Variants in AGRN observed in about 807,000 individuals in gnomAD.
The protein encoded by AGRN is agrin.
A neutral mutation model predicts 211.0 loss-of-function variants in AGRN; 106 were observed. The ratio of observed to expected loss-of-function variants is 0.50; its 90% confidence interval spans 0.43 to 0.59. The LOEUF (loss-of-function observed/expected upper bound fraction) is 0.59. AGRN is among the 20% of genes least tolerant of loss of function. AGRN has a pLI of 0.00. For missense variants in AGRN, 3,040 were observed against 2,982.6 expected (o/e 1.02, Z -0.45); for synonymous variants, 1,525 against 1,332.5 (o/e 1.14, Z -3.15).
Position 1,020,297 on chromosome 1 carries a change from A to G in AGRN, c.125A>G (p.Glu42Gly). 1.4e-6 allele frequency: 2 copies of G among 1,476,170 alleles called. No homozygotes were observed. Among genetic ancestry groups the G allele is most frequent in the South Asian group, 1.3e-5 (1 of 77,614 alleles). The allele number at this position is 1,476,170 out of a possible 1,614,324, so 91.4% of individuals were successfully genotyped here. The stretch of plus-strand genomic sequence containing the variant: ...CGCGCGCTGGAGCGGCGCGAGGAGG[A>G]GGCGAACGTGGTGCTCACCGGGACG... ...PERALERREE[E>G]ANVVLTGTVE... is the part of the protein sequence containing the mutation. The change falls in exon 1 of 36, where the codon GAG becomes GGG. Residue 42 changes from glutamate (E) to glycine (G), a missense_variant. Transcript: ENST00000379370.
At position 1,051,306 on chromosome 1, in the gene AGRN, C is replaced by T. The variant is rs960113611; in HGVS notation, c.5307C>T (p.Pro1769=). ...LKEPLYVGGA[P]DFSKLARAAA... ...AGCCGCTCTACGTAGGGGGCGCTCC[C>T]GACTTCAGCAAGCTGGCCCGTGCTG... The change falls in exon 31 of 36, where the codon CCC becomes CCT. Residue 1769 remains proline (P), a synonymous_variant. Transcript: ENST00000379370. 1.5e-5 allele frequency: 24 copies of T among 1,572,050 alleles called. No homozygotes were observed. The East Asian group carries it at 4.4e-4, about 29-fold the overall frequency.
intron 3 of AGRN, among the ~76,000 whole-genome samples, chr1:1,037,603 C>T (rs1553174014): frequency 0.027 from 3,933 of 144,068 alleles, 201 homozygotes; most frequent in East Asian, 0.19. Flanking sequence ...GCCGAGTGGC[C>T]GGGGAGGGGC....
chr1:1,044,653 A>G (rs932127226), intron 12 of AGRN, among the ~76,000 whole-genome samples: 1 of 152,172 alleles, frequency 6.6e-6, no homozygotes, highest in Non-Finnish European at 1.5e-5. Context: ...GCACCAGGCC[A>G]GGCCTCAGTG....
chr1:1,053,680 T>C (rs1570258631), intron 33 of AGRN, 73 bp from the exon 34 acceptor site: 1 of 1,515,912 alleles, frequency 6.6e-7, no homozygotes, highest in Middle Eastern at 1.9e-4. Context: ...GCTGGGGCCC[T>C]TGTCCTCCCG....
rs142557635 is a variant in AGRN, at chr1:1,043,808, C to G, written c.1799-15C>G. ...CCTGGGCCTGCCGACCCCTGCCTGG[C>G]TCTGTCTCCTGCAGAGACCTGTGGA... On this transcript the variant is annotated splice_polypyrimidine_tract_variant and intron_variant, in intron 9 of 35. Coordinates refer to ENST00000379370, the MANE Select transcript of AGRN (RefSeq NM_198576.4). The G allele has an allele frequency of 9.9e-6, 16 of 1,609,936 alleles. No individual in the cohort carries two copies. Among genetic ancestry groups the G allele is most frequent in the Non-Finnish European group, 1.4e-5 (16 of 1,179,844 alleles).
At chr1:1,024,943 C>T (rs1277125902) in intron 2 of AGRN, among the ~76,000 whole-genome samples, 2 of 152,304 alleles carry the variant, frequency 1.3e-5, no homozygotes, top group Non-Finnish European at 2.9e-5. Flanking sequence ...CTCCGCAGTG[C>T]CAGCTGCCCA....
At chr1:1,047,925 C>T (rs773626822) in intron 22 of AGRN, 30 bp downstream of exon 22, 17 of 1,601,892 alleles carry the variant, frequency 1.1e-5, no homozygotes, top group Middle Eastern at 1.6e-4. Context: ...CCACAGCTTA[C>T]CTGCCCCCTC....
Position 1,041,559 on chromosome 1 carries a change from G to C in AGRN, c.1034G>C (p.Arg345Pro). ...PRTRRPEMLL[R>P]PESCPARQAP... ...ACGCGGCGCCCTGAGATGCTCCTAC[G>C]GCCCGAGAGCTGCCCTGCCCGGCAG... Residue 345 changes from arginine to proline, a missense_variant, in exon 6 of 36, where the codon CGG (arginine) becomes CCG (proline). Arg to Pro is a moderately radical substitution (Grantham distance 103, BLOSUM62 -2). Transcript: ENST00000379370. The C allele has an allele frequency of 1.2e-6, 2 of 1,609,058 alleles. No individual in the cohort carries two copies. Among genetic ancestry groups the C allele is most frequent in the African/African-American group, 1.3e-5 (1 of 75,004 alleles).
chr1:1,041,364 G>A lies in AGRN; in HGVS notation c.919G>A (p.Glu307Lys), dbSNP rs757723215. The A allele has an allele frequency of 5.9e-6, 9 of 1,538,362 alleles. No homozygotes were observed. Among genetic ancestry groups the A allele is most frequent in the South Asian group, 2.4e-5 (2 of 84,240 alleles). Reference protein sequence around the residue: ...QLLRRACARQENVFKKFDGPC... With the variant: ...QLLRRACARQKNVFKKFDGPC... ...CCTGCGCCGCGCCTGCGCCCGCCAG[G>A]AGAATGTCTTCAAGAAGTTCGACGG... Residue 307 changes from glutamate to lysine, a missense_variant, in exon 5 of 36, where the codon GAG becomes AAG. By Grantham distance (56) the Glu-to-Lys change is moderately conservative (BLOSUM62 1). Transcript: ENST00000379370.
At position 1,044,549 on chromosome 1, in the gene AGRN, A is replaced by G; in HGVS notation, c.2254+110A>G. 1.7e-6 allele frequency: 2 copies of G among 1,165,574 alleles called. 1 individual carries two copies. Among genetic ancestry groups the G allele is most frequent in the Non-Finnish European group, 2.4e-6 (2 of 817,116 alleles). The allele number at this position is 1,165,574 out of a possible 1,614,324, so 72.2% of individuals were successfully genotyped here. ...GCGTTGGGCCCCTGTGGACGTGTGT[A>G]TTGTGTTGTAAGTGAGCATCGTCCA... is the stretch of plus-strand genomic sequence containing the variant. On this transcript the variant is annotated intron_variant, in intron 12 of 35. Transcript: ENST00000379370.
rs1288885360 is a variant in AGRN at position 1,020,508 on chromosome 1, G to A, written c.201+135G>A. On this transcript the variant is annotated intron_variant, in intron 1 of 35. Coordinates refer to ENST00000379370, the MANE Select transcript of AGRN (RefSeq NM_198576.4). ...CTCCCTTGGCGACCGCCAAGCCCCG[G>A]GAGGGGGGGTCGCCGGGTCCCGGGA... is the stretch of plus-strand genomic sequence containing the variant. 4.8e-6 allele frequency: 4 copies of A among 838,796 alleles called. No homozygotes were observed. In the East Asian group the frequency reaches 1.4e-4, roughly 30 times the overall value. 52.0% of individuals were successfully genotyped at this position (838,796 alleles called of 1,614,324 possible).
At chr1:1,051,210 C>T (rs772699724) in intron 30 of AGRN, 43 bp from the exon 31 acceptor site, 8 of 1,560,386 alleles carry the variant, frequency 5.1e-6, no homozygotes, top group East Asian at 2.4e-5. Flanking sequence ...GGGTCTGCAC[C>T]GTGGGTGGGC....
At chr1:1,050,100 G>A in intron 27 of AGRN, 63 bp downstream of exon 27, 2 of 1,569,154 alleles carry the variant, frequency 1.3e-6, no homozygotes, top group Non-Finnish European at 1.7e-6. Context: ...GGCGGGTACA[G>A]GTTCCAGGTA....
chr1:1,042,345 C>T (rs757830930), intron 7 of AGRN, among the ~76,000 whole-genome samples, 183 bp downstream of exon 7: 1 of 152,202 alleles, frequency 6.6e-6, no homozygotes, highest in Non-Finnish European at 1.5e-5. Context: ...TACCTGGGGG[C>T]TGGTGAGGCA....
chr1:1,043,628 C>T lies in AGRN; in HGVS notation c.1694C>T (p.Pro565Leu). 2 of 1,603,702 alleles carry T rather than the reference C, an allele frequency of 1.2e-6. No homozygotes were observed. The highest frequency in any genetic ancestry group is 8.5e-7 in the Non-Finnish European group (1 of 1,179,756). Residue 565 changes from proline (P) to leucine (L), a missense_variant, in exon 9 of 36, where the codon CCC becomes CTC. By Grantham distance (98) the Pro-to-Leu change is moderately conservative. Coordinates refer to ENST00000379370, the MANE Select transcript of AGRN (RefSeq NM_198576.4). ...TCTGAATGCGTGGCTTTGGCCCAGC[C>T]CGTGTGTGGCTCCGACGGGCACACG... ...CPSECVALAQ[P>L]VCGSDGHTYP...
chr1:1,024,260 C>T (rs1644471460), intron 2 of AGRN, among the ~76,000 whole-genome samples: 1 of 152,054 alleles, frequency 6.6e-6, no homozygotes, highest in South Asian at 2.1e-4. Flanking sequence ...TCTCTGGAGC[C>T]AGTCTGGCTG....
Position 1,049,779 on chromosome 1 carries a change from C to G in AGRN, c.4728C>G (p.Cys1576Trp), listed in dbSNP as rs931498089. The G allele has an allele frequency of 6.3e-7, 1 of 1,591,602 alleles. No individual in the cohort carries two copies. Among genetic ancestry groups the G allele is most frequent in the Non-Finnish European group, 8.5e-7 (1 of 1,170,132 alleles). ...NLEAGRFHCQCPPGRVGPTCA... is the reference protein window; with the variant it reads ...NLEAGRFHCQWPPGRVGPTCA... ...AGGCTGGAAGGTTCCATTGCCAGTG[C>G]CCGCCCGGCCGCGTCGGTGAGGGTG... Residue 1576 changes from cysteine (C) to tryptophan (W), a missense_variant, in exon 26 of 36, where the codon TGC (cysteine) becomes TGG (tryptophan). Physicochemically the swap from Cys to Trp is radical, Grantham distance 215. Coordinates refer to ENST00000379370, the MANE Select transcript of AGRN (RefSeq NM_198576.4).
chr1:1,049,361 C>G lies in AGRN; in HGVS notation c.4424C>G (p.Pro1475Arg). Residue 1475 changes from proline to arginine, a missense_variant, in exon 25 of 36, where the codon CCT becomes CGT. Transcript: ENST00000379370. Reference protein sequence around the residue: ...RGTLSVDGETPVLGESPSGTD... With the variant: ...RGTLSVDGETRVLGESPSGTD... ...ACCCTCTCGGTGGATGGTGAGACCC[C>G]TGTTCTGGGCGAGAGTCCCAGTGGC... is the stretch of plus-strand genomic sequence containing the variant. 1 of 1,598,380 alleles carries G rather than the reference C, an allele frequency of 6.3e-7. No individual in the cohort carries two copies. The highest frequency in any genetic ancestry group is 8.5e-7 in the Non-Finnish European group (1 of 1,179,628).
intron 12 of AGRN, among the ~76,000 whole-genome samples, chr1:1,044,943 G>A (rs915283690): frequency 1.3e-5 from 2 of 152,188 alleles, no homozygotes; most frequent in African/African-American, 2.4e-5. Context: ...TGGATGCTCT[G>A]TGTGTTGTGT....
Sources: gnomAD v4.1 joint callset for allele counts (sites outside exome capture counted in the v4.1 genomes callset) on GRCh38, gnomAD v4.1.1 for gene constraint, MANE v1.5 for transcripts, NCBI Gene and HGNC (gene_info 2026-07-23, HGNC 2026-07-21) for gene names.